KIRREL3: variants seen among roughly 807,000 people sequenced by gnomAD.
KIRREL3 encodes kirre like nephrin family adhesion molecule 3, also known as kin of IRRE-like protein 3.
Under a neutral mutation model 89.7 loss-of-function variants are expected in KIRREL3, and 36 were observed. The observed-to-expected ratio is 0.40, with a 90% CI of 0.31 to 0.53. The LOEUF (loss-of-function observed/expected upper bound fraction) is 0.53, where lower values mean the gene tolerates loss of function less well. Ranked by LOEUF, KIRREL3 falls within the 20% of genes least tolerant of loss-of-function variation. The pLI is 0.49. For missense variants in KIRREL3, 864 were observed against 1,056.6 expected (o/e 0.82, Z 2.53); for synonymous variants, 445 against 441.4 (o/e 1.01, Z -0.10).
In KIRREL3 at chr11:126,651,258, G is replaced by A. The variant is rs533245765; in HGVS notation, c.56-88346C>T. Among the ~76,000 whole-genome samples, 65 of 152,202 alleles carry A rather than the reference G, an allele frequency of 4.3e-4. No homozygotes were observed. Among genetic ancestry groups the A allele is most frequent in the Non-Finnish European group, 7.8e-4 (53 of 68,036 alleles). On this transcript the variant is annotated intron_variant, in intron 1 of 16. Coordinates refer to ENST00000525144, the MANE Select transcript of KIRREL3 (RefSeq NM_032531.4). This position sits in a 1 kb window ranked among gnomAD's most constrained non-coding sequence, Gnocchi z 4.6. ...TAAGAAAGTCTTTTGGGAATTGGTG[G>A]GATGGTGCACAGTTTGCGTGTTTCA...
rs2134611799 is a variant in KIRREL3 at position 126,568,489 on chromosome 11, T to TG, written c.56-5578dup. On this transcript the variant is annotated intron_variant, in intron 1 of 16. Transcript: ENST00000525144. This position sits in a 1 kb window ranked among gnomAD's most constrained non-coding sequence, Gnocchi z 4.6. ...TTGACATAGAGAGCAGGGGAGGGGCTGAAAAAATAGCTCCCATTCCCCAGA... is the reference window on the plus strand; with the variant it reads ...TTGACATAGAGAGCAGGGGAGGGGCTGGAAAAAATAGCTCCCATTCCCCAGA... Among the ~76,000 whole-genome samples, 1 of 152,242 alleles carries TG rather than the reference T, an allele frequency of 6.6e-6. No homozygotes were observed. The highest frequency in any genetic ancestry group is 1.5e-5 in the Non-Finnish European group (1 of 68,012).
At position 126,527,330 on chromosome 11, in the gene KIRREL3, A is replaced by G. The variant is rs1958794430; in HGVS notation, c.134-643T>C. ...GCAGCAGACCTTACTCCAGCCTCAC[A>G]ATCACTTGGGAAAAAATCATTATGG... On this transcript the variant is annotated intron_variant, in intron 2 of 16. Coordinates refer to ENST00000525144, the MANE Select transcript of KIRREL3 (RefSeq NM_032531.4). This position sits in a 1 kb window ranked among gnomAD's most constrained non-coding sequence, Gnocchi z 4.2. Among the ~76,000 whole-genome samples, 1 of 152,102 alleles carries G rather than the reference A, an allele frequency of 6.6e-6. No homozygotes were observed. The highest frequency in any genetic ancestry group is 2.4e-5 in the African/African-American group (1 of 41,426).
In KIRREL3 at chr11:126,424,475, A is replaced by C. The variant is rs886256159; in HGVS notation, c.*105T>G. The C allele has an allele frequency of 9.6e-7, 1 of 1,046,728 alleles. No individual in the cohort carries two copies. The highest frequency in any genetic ancestry group is 1.6e-5 in the African/African-American group (1 of 62,836). 64.8% of individuals were successfully genotyped at this position (1,046,728 alleles called of 1,614,324 possible). On this transcript the variant is annotated 3_prime_UTR_variant, in exon 17 of 17. Coordinates refer to ENST00000525144, the MANE Select transcript of KIRREL3 (RefSeq NM_032531.4). ...CAGAGGCGCTGGGAGGCTGTCCTGG[A>C]AGTGGCCAATTCTGGTGTCCTCTGC...
chr11:126,637,463 C>T (rs1944310738), intron 1 of KIRREL3, among the ~76,000 whole-genome samples: 1 of 152,204 alleles, frequency 6.6e-6, no homozygotes, highest in Non-Finnish European at 1.5e-5. Context: ...TACTTTCCTC[C>T]CTCCCAGCCT....
At chr11:126,826,013 T>C (rs1943394115) in intron 1 of KIRREL3, among the ~76,000 whole-genome samples, 1 of 152,200 alleles carries the variant, frequency 6.6e-6, no homozygotes, top group South Asian at 2.1e-4. Context: ...CCTGCAGAAT[T>C]TGTCGAGTGC....
rs1169207194 is a variant in KIRREL3, at chr11:126,541,175, G to T, written c.134-14488C>A. Among the ~76,000 whole-genome samples, 2 of 152,170 alleles carry T rather than the reference G, an allele frequency of 1.3e-5. No homozygotes were observed. The highest frequency in any genetic ancestry group is 6.5e-5 in the Admixed American group (1 of 15,280). Reference sequence around the variant, plus strand: ...GACTCCAAGATGCCCAGCACCTCTTGCTCCCATGTCTAAGGGGTACTGTAT... The same window carrying T: ...GACTCCAAGATGCCCAGCACCTCTTTCTCCCATGTCTAAGGGGTACTGTAT... On this transcript the variant is annotated intron_variant, in intron 2 of 16. Transcript: ENST00000525144. This position sits in a 1 kb window ranked among gnomAD's most constrained non-coding sequence, Gnocchi z 4.8.
At position 126,559,945 on chromosome 11, in the gene KIRREL3, A is replaced by G. The variant is rs528120828; in HGVS notation, c.133+2890T>C. ...TGATCTGCCTGCCTTGGCCTCTCAG[A>G]GTGCTGGGATTACAGGCATGAGCCA... is the stretch of plus-strand genomic sequence containing the variant. On this transcript the variant is annotated intron_variant, in intron 2 of 16. Transcript: ENST00000525144. Among the ~76,000 whole-genome samples the G allele has an allele frequency of 3.9e-5, 6 of 152,196 alleles. No individual in the cohort carries two copies. In the East Asian group the frequency reaches 1.2e-3, roughly 29 times the overall value.
chr11:126,985,364 C>A lies in KIRREL3; in HGVS notation c.55+15091G>T, dbSNP rs1949833588. On this transcript the variant is annotated intron_variant, in intron 1 of 16. Transcript: ENST00000525144. The surrounding 1 kb of genome is among the most constrained non-coding windows in gnomAD (Gnocchi z 5.3). ...GGAGGTGAGAAGGACCCAGCCCTGGCCGCCAGGAAGCTCACAATATGGAAG... is the reference window on the plus strand; with the variant it reads ...GGAGGTGAGAAGGACCCAGCCCTGGACGCCAGGAAGCTCACAATATGGAAG... 1.3e-5 allele frequency among the ~76,000 whole-genome samples: 2 copies of A among 152,208 alleles called. No homozygotes were observed. Among genetic ancestry groups the A allele is most frequent in the African/African-American group, 2.4e-5 (1 of 41,522 alleles).
chr11:126,920,811 G>A (rs957464722), intron 1 of KIRREL3, among the ~76,000 whole-genome samples: 7 of 152,072 alleles, frequency 4.6e-5, no homozygotes, highest in Non-Finnish European at 8.8e-5. Flanking sequence ...AAAACCCCGC[G>A]CCTAGGTCAC....
chr11:126,602,042 G>A (rs1942681446), intron 1 of KIRREL3, among the ~76,000 whole-genome samples: 1 of 152,174 alleles, frequency 6.6e-6, no homozygotes, highest in East Asian at 1.9e-4. Flanking sequence ...TCAACACCTC[G>A]CAGGAACTAA....
In KIRREL3 at chr11:126,432,608, C is replaced by A. The variant is rs1391562819; in HGVS notation, c.1589-1082G>T. 6.6e-6 allele frequency among the ~76,000 whole-genome samples: 1 copy of A among 152,064 alleles called. No individual in the cohort carries two copies. The highest frequency in any genetic ancestry group is 1.5e-5 in the Non-Finnish European group (1 of 68,014). ...CCCACTCCCACCCCGTCCAGCTCCA[C>A]CCACAGAGTGACATGTGAGATCCCC... On this transcript the variant is annotated intron_variant, in intron 13 of 16. Transcript: ENST00000525144. This position sits in a 1 kb window ranked among gnomAD's most constrained non-coding sequence, Gnocchi z 6.2.
chr11:126,574,606 CCCCTTTTGGGGTTATCCAATCTAGCA>C lies in KIRREL3; in HGVS notation c.56-11720_56-11695del, dbSNP rs1178427444. On this transcript the variant is annotated intron_variant, in intron 1 of 16. Coordinates refer to ENST00000525144, the MANE Select transcript of KIRREL3 (RefSeq NM_032531.4). The surrounding 1 kb of genome is among the most constrained non-coding windows in gnomAD (Gnocchi z 5.3). ...CAATAGCTGAGCCCCAGAGAAGTGA[CCCCTTTTGGGGTTATCCAATCTAGCA>C]GCCCCACCAGAGCAAAGGACGAGGG... 3.9e-5 allele frequency among the ~76,000 whole-genome samples: 6 copies of C among 152,172 alleles called. No individual in the cohort carries two copies. The highest frequency in any genetic ancestry group is 8.8e-5 in the Non-Finnish European group (6 of 68,032).
At chr11:126,821,704 G>C (rs1943232536) in intron 1 of KIRREL3, among the ~76,000 whole-genome samples, 2 of 152,078 alleles carry the variant, frequency 1.3e-5, no homozygotes, top group Admixed American at 6.5e-5. Flanking sequence ...AGTATCCTGG[G>C]CCATCTCGGT....
chr11:127,002,809 GC>G (rs932900473), upstream of KIRREL3: 2 of 152,156 alleles, frequency 1.3e-5, no homozygotes, highest in African/African-American at 4.8e-5. Flanking sequence ...GCTTAATTCA[GC>G]CCCCGAGGGA....
At chr11:126,895,650 C>G (rs1391048369) in intron 1 of KIRREL3, among the ~76,000 whole-genome samples, 2 of 151,970 alleles carry the variant, frequency 1.3e-5, no homozygotes, top group African/African-American at 4.8e-5. Flanking sequence ...GGTCTTAGAC[C>G]CAGCAAGGGT....
Position 126,897,192 on chromosome 11 carries a change from G to A in KIRREL3, c.55+103263C>T, listed in dbSNP as rs374448530. Reference sequence around the variant, plus strand: ...AGCACAGGTGGTCCCATGGGGAAGGGCAGCAATTTGGCCCCAGGACACCAG... The same window carrying A: ...AGCACAGGTGGTCCCATGGGGAAGGACAGCAATTTGGCCCCAGGACACCAG... On this transcript the variant is annotated intron_variant, in intron 1 of 16. Transcript: ENST00000525144. The surrounding 1 kb of genome is among the most constrained non-coding windows in gnomAD (Gnocchi z 4.2). Among the ~76,000 whole-genome samples the A allele has an allele frequency of 2.6e-4, 40 of 152,138 alleles. No individual in the cohort carries two copies. Among genetic ancestry groups the A allele is most frequent in the African/African-American group, 9.4e-4 (39 of 41,428 alleles).
intron 11 of KIRREL3, among the ~76,000 whole-genome samples, chr11:126,437,930 C>T (rs1373268547): frequency 6.6e-6 from 1 of 152,192 alleles, no homozygotes; most frequent in Non-Finnish European, 1.5e-5. Context: ...CACACACTAC[C>T]AACAGATACA....
In KIRREL3 at chr11:126,769,175, T is replaced by G. The variant is rs895077207; in HGVS notation, c.56-206263A>C. On this transcript the variant is annotated intron_variant, in intron 1 of 16. Coordinates refer to ENST00000525144, the MANE Select transcript of KIRREL3 (RefSeq NM_032531.4). The surrounding 1 kb of genome is among the most constrained non-coding windows in gnomAD (Gnocchi z 4.3). ...GGTCCCATCTCTGCCAGTCACTGCTTTCCCTTCCTCCTACGCTTTCAACAC... is the reference window on the plus strand; with the variant it reads ...GGTCCCATCTCTGCCAGTCACTGCTGTCCCTTCCTCCTACGCTTTCAACAC... Among the ~76,000 whole-genome samples, 1 of 152,200 alleles carries G rather than the reference T, an allele frequency of 6.6e-6. No homozygotes were observed. The highest frequency in any genetic ancestry group is 2.1e-4 in the South Asian group (1 of 4,826).
chr11:126,483,033 C>A (rs543922537), intron 4 of KIRREL3, among the ~76,000 whole-genome samples: 3 of 152,384 alleles, frequency 2.0e-5, no homozygotes, highest in Admixed American at 6.5e-5. Context: ...AATCCCCTGC[C>A]TTCCTGGGCG....
Sources: gnomAD v4.1 joint callset for allele counts (sites outside exome capture counted in the v4.1 genomes callset) on GRCh38, gnomAD v4.1.1 for gene constraint, Gnocchi (gnomAD v3.1) non-coding constraint, MANE v1.5 for transcripts, NCBI Gene and HGNC (gene_info 2026-07-23, HGNC 2026-07-21) for gene names.